The following CDH9 variants were observed in gnomAD, a reference collection of about 807,000 sequenced individuals.
CDH9 encodes the protein cadherin-9.
In CDH9, 28 loss-of-function variants were observed where a neutral mutation model predicts 70.9. The ratio of observed to expected loss-of-function variants is 0.40; its 90% confidence interval spans 0.29 to 0.54. The LOEUF is 0.54. CDH9 is among the 20% of genes least tolerant of loss of function. CDH9 has a pLI of 0.59. For missense variants in CDH9, 874 were observed against 984.4 expected, an observed-to-expected ratio of 0.89 and a Z score of 1.50; for synonymous variants, 409 against 343.1, an observed-to-expected ratio of 1.19 and a Z score of -2.12.
At chr5:26,990,651 A>G (rs116146765) in intron 1 of CDH9, among the ~76,000 whole-genome samples, 178 of 152,340 alleles carry the variant, frequency 1.2e-3, no homozygotes, top group African/African-American at 4.1e-3. Context: ...TCACTGGCCC[A>G]GAACATGCCC....
intron 1 of CDH9, among the ~76,000 whole-genome samples, chr5:27,007,915 T>C (rs1742894513): frequency 6.6e-6 from 1 of 152,120 alleles, no homozygotes; most frequent in Non-Finnish European, 1.5e-5. Flanking sequence ...ATATTAATTT[T>C]TTTTCAGGTT....
In CDH9 at chr5:27,020,936, C is replaced by T. The variant is rs144534318; in HGVS notation, c.-50+17527G>A. On this transcript the variant is annotated intron_variant, in intron 1 of 11. Coordinates refer to ENST00000231021, the MANE Select transcript of CDH9 (RefSeq NM_016279.4). ...TTTTAGAATAATGTGTATTTAAACA[C>T]TGTTATCAAAATATATCCTTAATTT... is the stretch of plus-strand genomic sequence containing the variant. 1.4e-3 allele frequency among the ~76,000 whole-genome samples: 218 copies of T among 151,830 alleles called. 1 individual carries two copies. The highest frequency in any genetic ancestry group is 5.2e-3 in the African/African-American group (215 of 41,494).
At chr5:26,906,860 A>G in intron 3 of CDH9, 22 bp from the exon 4 acceptor site, 1 of 1,580,190 alleles carries the variant, frequency 6.3e-7, no homozygotes, top group South Asian at 1.2e-5. Context: ...CCCCATCCCC[A>G]AACAGAGACA....
At chr5:27,034,904 A>C (rs1743366520) in intron 1 of CDH9, among the ~76,000 whole-genome samples, 2 of 151,588 alleles carry the variant, frequency 1.3e-5, no homozygotes, top group South Asian at 4.1e-4. Flanking sequence ...ACCATATTTT[A>C]ATAATAAGGA....
chr5:26,995,189 G>A (rs2112099003), intron 1 of CDH9, among the ~76,000 whole-genome samples: 1 of 152,266 alleles, frequency 6.6e-6, no homozygotes, highest in East Asian at 1.9e-4. Flanking sequence ...CACTTAATAT[G>A]TATCTGCAAA....
chr5:26,941,312 T>C lies in CDH9; in HGVS notation c.229-25388A>G, dbSNP rs542218144. On this transcript the variant is annotated intron_variant, in intron 2 of 11. Coordinates refer to ENST00000231021, the MANE Select transcript of CDH9 (RefSeq NM_016279.4). ...ATTTGCTATGTCATCAACGGTAATT[T>C]ACTCAGCTGGAGGTAATTCTTCCAT... Among the ~76,000 whole-genome samples, 209 of 152,320 alleles carry C rather than the reference T, an allele frequency of 1.4e-3. 2 individuals are homozygous for C. Among genetic ancestry groups the C allele is most frequent in the Middle Eastern group, 3.4e-3 (1 of 294 alleles).
chr5:27,036,842 A>C (rs1189829162), intron 1 of CDH9, among the ~76,000 whole-genome samples: 1 of 152,010 alleles, frequency 6.6e-6, no homozygotes, highest in Non-Finnish European at 1.5e-5. Flanking sequence ...AACTTTAGTC[A>C]AACCCATAAC....
intron 2 of CDH9, among the ~76,000 whole-genome samples, chr5:26,924,872 G>A (rs888761854): frequency 6.6e-6 from 1 of 152,034 alleles, no homozygotes; most frequent in East Asian, 1.9e-4. Flanking sequence ...TCCCTGCAAG[G>A]ACATGAACTC....
chr5:27,026,207 G>T (rs552987588), intron 1 of CDH9, among the ~76,000 whole-genome samples: 146 of 152,022 alleles, frequency 9.6e-4, no homozygotes, highest in Admixed American at 2.8e-3. Flanking sequence ...ACTGAAACAA[G>T]AAATGGAAAG....
At chr5:26,994,392 T>C (rs1226057358) in intron 1 of CDH9, among the ~76,000 whole-genome samples, 1 of 152,126 alleles carries the variant, frequency 6.6e-6, no homozygotes, top group Non-Finnish European at 1.5e-5. Flanking sequence ...CCCAGACTGA[T>C]AGTATTAGGA....
chr5:26,890,651 T>C (rs1740643755), intron 7 of CDH9, 87 bp from the exon 8 acceptor site: 1 of 909,948 alleles, frequency 1.1e-6, no homozygotes. Flanking sequence ...ATTTCCACAA[T>C]GATCTGACAA....
intron 2 of CDH9, among the ~76,000 whole-genome samples, chr5:26,955,944 T>C (rs10942220): frequency 0.7 from 106,460 of 152,088 alleles, 40,976 homozygotes; most frequent in East Asian, 0.99. Context: ...TATATCACCA[T>C]CCTAGTGTTT....
intron 1 of CDH9, among the ~76,000 whole-genome samples, chr5:26,991,901 C>T (rs1159596060): frequency 1.3e-5 from 2 of 152,048 alleles, no homozygotes; most frequent in African/African-American, 4.8e-5. Flanking sequence ...ACTTCTATCA[C>T]CAACACCATT....
At chr5:26,969,670 G>A (rs943814305) in intron 2 of CDH9, among the ~76,000 whole-genome samples, 1 of 151,946 alleles carries the variant, frequency 6.6e-6, no homozygotes, top group African/African-American at 2.4e-5. Flanking sequence ...TCACAGAGAA[G>A]GGCTTAAAAC....
intron 1 of CDH9, 140 bp downstream of exon 1, chr5:27,038,323 T>C (rs937934400): frequency 6.6e-6 from 1 of 151,538 alleles, no homozygotes; most frequent in Non-Finnish European, 1.5e-5. Context: ...AAATGTATTC[T>C]TATGTGCTTC....
Position 26,906,138 on chromosome 5 carries a change from A to G in CDH9, c.644-12T>C. ...AGTTTTTATTATGCCTTTTGGAAAA[A>G]GCAGACAAAAGTTTTGCAATTAAAT... is the stretch of plus-strand genomic sequence containing the variant. On this transcript the variant is annotated splice_polypyrimidine_tract_variant and intron_variant, in intron 4 of 11. Coordinates refer to ENST00000231021, the MANE Select transcript of CDH9 (RefSeq NM_016279.4). 1 of 1,603,110 alleles carries G rather than the reference A, an allele frequency of 6.2e-7. No homozygotes were observed.
chr5:26,906,417 T>A (rs1054086103), intron 4 of CDH9, among the ~76,000 whole-genome samples: 3 of 152,190 alleles, frequency 2.0e-5, no homozygotes, highest in African/African-American at 7.2e-5. Context: ...TTAATTTTGA[T>A]AATTGTCATA....
At chr5:27,019,990 G>T (rs979195460) in intron 1 of CDH9, among the ~76,000 whole-genome samples, 1 of 151,752 alleles carries the variant, frequency 6.6e-6, no homozygotes, top group African/African-American at 2.4e-5. Context: ...GGAAGGTTGG[G>T]TTTAGAAAGT....
In CDH9 at chr5:26,994,568, GT is replaced by G. The variant is rs551273557; in HGVS notation, c.-49-6187del. Among the ~76,000 whole-genome samples, 852 of 147,642 alleles carry G rather than the reference GT, an allele frequency of 5.8e-3. 8 individuals carry two copies. The highest frequency in any genetic ancestry group is 0.018 in the African/African-American group (740 of 40,096). On this transcript the variant is annotated intron_variant, in intron 1 of 11. Coordinates refer to ENST00000231021, the MANE Select transcript of CDH9 (RefSeq NM_016279.4). ...GTTTGTTTGTTTGTTTGTTTGTTTTGTTTTTTTTTGCTCTTGGCTATGTGAA... is the reference window on the plus strand; with the variant it reads ...GTTTGTTTGTTTGTTTGTTTGTTTTGTTTTTTTTGCTCTTGGCTATGTGAA...
Sources: allele counts gnomAD v4.1 joint callset (sites outside exome capture counted in the v4.1 genomes callset), GRCh38; gene constraint gnomAD v4.1.1; transcripts MANE v1.5; gene names NCBI Gene and HGNC (gene_info 2026-07-23, HGNC 2026-07-21).